The following CPT1C variants were observed in gnomAD, a reference collection of about 807,000 sequenced individuals.
CPT1C encodes carnitine palmitoyltransferase 1C.
Under a neutral mutation model 97.3 loss-of-function variants are expected in CPT1C, and 61 were observed. That is an observed-to-expected ratio of 0.63 (90% CI 0.51 to 0.78). CPT1C has a LOEUF of 0.78. Among genes scored for constraint, CPT1C ranks in the 30% least tolerant of loss-of-function variants. The pLI is 0.00. For missense variants in CPT1C, 975 were observed against 1,065.5 expected (o/e 0.92, Z 1.18); for synonymous variants, 469 against 447.2 (o/e 1.05, Z -0.61).
In CPT1C at chr19:49,713,631, T is replaced by C; in HGVS notation, c.*26T>C. 6.3e-7 allele frequency: 1 copy of C among 1,589,492 alleles called. No individual in the cohort carries two copies. The highest frequency in any genetic ancestry group is 8.6e-7 in the Non-Finnish European group (1 of 1,167,920). On this transcript the variant is annotated 3_prime_UTR_variant, in exon 20 of 20. Transcript: ENST00000598293. Reference sequence around the variant, plus strand: ...CTCCTTCCAGCAGGCAGCTGGCCTCTCCAAGGAATAAGGGTGAAATTGCCA... The same window carrying C: ...CTCCTTCCAGCAGGCAGCTGGCCTCCCCAAGGAATAAGGGTGAAATTGCCA...
intron 3 of CPT1C, among the ~76,000 whole-genome samples, chr19:49,694,985 A>G (rs1362301222): frequency 6.6e-6 from 1 of 151,650 alleles, no homozygotes; most frequent in Non-Finnish European, 1.5e-5. Context: ...CTAAACATAC[A>G]AAAAAATTAG....
At position 49,713,006 on chromosome 19, in the gene CPT1C, T is replaced by G. The variant is rs1211500150; in HGVS notation, c.2168T>G (p.Phe723Cys). Reference protein sequence around the residue: ...DDHGYGVSYIFMGDGMITFHI... With the variant: ...DDHGYGVSYICMGDGMITFHI... ...CATGGTTATGGTGTTTCTTATATCT[T>G]CATGGGGGATGGCATGATCACCTTC... The change falls in exon 19 of 20, where the codon TTC (phenylalanine) becomes TGC (cysteine). Residue 723 changes from phenylalanine to cysteine, a missense_variant. Phe to Cys is a radical substitution (Grantham distance 205). Around this residue, in one of 3 missense-constraint regions of CPT1C, gnomAD observed 344 missense variants for 395.7 expected, o/e 0.87. Transcript: ENST00000598293. 1 of 1,614,072 alleles carries G rather than the reference T, an allele frequency of 6.2e-7. No individual in the cohort carries two copies. The highest frequency in any genetic ancestry group is 1.1e-5 in the South Asian group (1 of 91,078).
At chr19:49,705,815 C>T in intron 10 of CPT1C, 94 bp from the exon 11 acceptor site, 2 of 1,178,308 alleles carry the variant, frequency 1.7e-6, no homozygotes, top group East Asian at 2.4e-5. Context: ...GTACTTTGAA[C>T]AACTGACGAC....
In CPT1C at chr19:49,695,728, C is replaced by T. The variant is rs571211595; in HGVS notation, c.142-1598C>T. Among the ~76,000 whole-genome samples the T allele has an allele frequency of 2.2e-4, 33 of 151,430 alleles. 2 individuals are homozygous for T. In the South Asian group the frequency reaches 5.6e-3, roughly 26 times the overall value. On this transcript the variant is annotated intron_variant, in intron 3 of 19. Transcript: ENST00000598293. ...GCCTCCAAGTAGCTAGGACTACAGG[C>T]GTGTGCCACCACGCCAAGCTAATTT...
chr19:49,701,593 C>G lies in CPT1C; in HGVS notation c.652C>G (p.Gln218Glu). 3 of 1,611,554 alleles carry G rather than the reference C, an allele frequency of 1.9e-6. No individual in the cohort carries two copies. The highest frequency in any genetic ancestry group is 2.5e-6 in the Non-Finnish European group (3 of 1,178,626). ...CCTGAGGCTGCAGGCGTCGCTGCTG[C>G]AGTGGTACCTGCGGCTCAAGTCCTG... ...EFLRLQASLL[Q>E]WYLRLKSWWA... Residue 218 changes from glutamine to glutamate, a missense_variant, in exon 7 of 20, where the codon CAG (glutamine) becomes GAG (glutamate). By Grantham distance (29) the Gln-to-Glu change is conservative. Around this residue, in one of 3 missense-constraint regions of CPT1C, gnomAD observed 596 missense variants for 603.1 expected, o/e 0.99. Transcript: ENST00000598293.
chr19:49,698,693 G>A (rs939801090), intron 4 of CPT1C, among the ~76,000 whole-genome samples: 9 of 151,642 alleles, frequency 5.9e-5, no homozygotes, highest in East Asian at 3.9e-4. Context: ...AGCTTTGCCC[G>A]TCTCTAGTCA....
chr19:49,707,553 C>CT lies in CPT1C; in HGVS notation c.1380dup (p.Asn461Ter), dbSNP rs1382039801. ...AAATCCTTCACCCTAATCGTCTTCT[C>CT]TAACGGGAAGCTGGGCCTCAGCGTG... On this transcript the variant is annotated frameshift_variant, in exon 13 of 20. Transcript: ENST00000598293. LOFTEE classifies it high-confidence loss of function. 1 of 1,614,016 alleles carries CT rather than the reference C, an allele frequency of 6.2e-7. No homozygotes were observed.
In CPT1C at chr19:49,713,612, C is replaced by T; in HGVS notation, c.*7C>T. On this transcript the variant is annotated 3_prime_UTR_variant, in exon 20 of 20. Coordinates refer to ENST00000598293, the MANE Select transcript of CPT1C (RefSeq NM_001199753.2). ...GACATCCACCGACTTCTGACTCCTTCCAGCAGGCAGCTGGCCTCTCCAAGG... is the reference window on the plus strand; with the variant it reads ...GACATCCACCGACTTCTGACTCCTTTCAGCAGGCAGCTGGCCTCTCCAAGG... The T allele has an allele frequency of 3.1e-6, 5 of 1,603,912 alleles. No individual in the cohort carries two copies. The South Asian group carries it at 3.4e-5, about 11-fold the overall frequency.
intron 3 of CPT1C, among the ~76,000 whole-genome samples, chr19:49,693,122 A>C (rs954061079): frequency 2.0e-5 from 3 of 152,130 alleles, no homozygotes. Context: ...TCCTGACCTC[A>C]AGTGATCTGC....
rs182415106 is a variant in CPT1C at position 49,701,261 on chromosome 19, C to T, written c.454-56C>T. The T allele has an allele frequency of 6.6e-5, 98 of 1,484,068 alleles. 1 individual carries two copies. The highest frequency in any genetic ancestry group is 6.5e-4 in the Middle Eastern group (3 of 4,594). The allele number at this position is 1,484,068 out of a possible 1,614,324, so 91.9% of individuals were successfully genotyped here. On this transcript the variant is annotated intron_variant, in intron 5 of 19. Transcript: ENST00000598293. Reference sequence around the variant, plus strand: ...TCTGTCCCACTGTCGACCCCTGCCCCGTCAACTCCCTGGCTCCGGTGAGGG... The same window carrying T: ...TCTGTCCCACTGTCGACCCCTGCCCTGTCAACTCCCTGGCTCCGGTGAGGG...
intron 5 of CPT1C, 119 bp downstream of exon 5, chr19:49,700,974 C>G: frequency 9.1e-7 from 1 of 1,097,432 alleles, no homozygotes; most frequent in South Asian, 1.4e-5. Flanking sequence ...GGGTCTCTTC[C>G]CCCTCTCTTT....
chr19:49,701,211 GTC>G lies in CPT1C; in HGVS notation c.454-102_454-101del, dbSNP rs2083030741. The G allele has an allele frequency of 6.7e-6, 6 of 889,498 alleles. No individual in the cohort carries two copies. The African/African-American group carries it at 8.4e-5, about 12-fold the overall frequency. 55.1% of individuals were successfully genotyped at this position (889,498 alleles called of 1,614,324 possible). On this transcript the variant is annotated intron_variant, in intron 5 of 19. Coordinates refer to ENST00000598293, the MANE Select transcript of CPT1C (RefSeq NM_001199753.2). ...CTCTTGGGGTCTCCGATGCTCTTAAGTCTCTGTGTCCTTCTCTTTGGGTTTCT... is the reference window on the plus strand; with the variant it reads ...CTCTTGGGGTCTCCGATGCTCTTAAGTCTGTGTCCTTCTCTTTGGGTTTCT...
Position 49,706,687 on chromosome 19 carries a change from A to G in CPT1C, c.1343+274A>G, listed in dbSNP as rs568406450. On this transcript the variant is annotated intron_variant, in intron 12 of 19. Transcript: ENST00000598293. This position sits in a 1 kb window ranked among gnomAD's most constrained non-coding sequence, Gnocchi z 4.8. ...CCAAACCCCTGAGCTGGACCCTCCG[A>G]CCCAGAGAACTCAGCATCACAGACC... Among the ~76,000 whole-genome samples, 3 of 152,028 alleles carry G rather than the reference A, an allele frequency of 2.0e-5. No homozygotes were observed. In the South Asian group the frequency reaches 6.2e-4, roughly 32 times the overall value.
At chr19:49,692,584 C>A (rs2082417735) in intron 3 of CPT1C, among the ~76,000 whole-genome samples, 191 bp downstream of exon 3, 1 of 152,200 alleles carries the variant, frequency 6.6e-6, no homozygotes, top group Admixed American at 6.5e-5. Context: ...GATCCACAGC[C>A]CCACCTGCTG....
In CPT1C at chr19:49,704,735, T is replaced by C; in HGVS notation, c.719T>C (p.Val240Ala). Residue 240 changes from valine to alanine, a missense_variant, in exon 8 of 20, where the codon GTG (valine) becomes GCG (alanine). This residue lies in a region of CPT1C where 596 missense variants were observed against 603.1 expected (regional missense o/e 0.99). Coordinates refer to ENST00000598293, the MANE Select transcript of CPT1C (RefSeq NM_001199753.2). Reference protein sequence around the residue: ...NYVSDWWEEFVYLRSRNPLMV... With the variant: ...NYVSDWWEEFAYLRSRNPLMV... ...GTCAGTGACTGGTGGGAGGAATTTG[T>C]GTACCTGCGCTCCCGAAATCCGCTG... 6.2e-7 allele frequency: 1 copy of C among 1,614,014 alleles called. No homozygotes were observed.
intron 3 of CPT1C, among the ~76,000 whole-genome samples, chr19:49,693,777 G>T (rs570634829): frequency 6.6e-6 from 1 of 152,082 alleles, no homozygotes; most frequent in South Asian, 2.1e-4. Context: ...AATAAAGACA[G>T]GTCGGGCACG....
At chr19:49,702,514 G>A (rs2083232556) in intron 7 of CPT1C, among the ~76,000 whole-genome samples, 1 of 151,920 alleles carries the variant, frequency 6.6e-6, no homozygotes, top group Non-Finnish European at 1.5e-5. Context: ...CAGCTACTCG[G>A]GAGGCTGAGG....
rs1022179134 is a variant in CPT1C, at chr19:49,699,933, G to A, written c.282-751G>A. ...AGTGCCACTGCACTCCAGCCTGGGC[G>A]ACAGAGTGAAACTCCATCTCAAAAA... On this transcript the variant is annotated intron_variant, in intron 4 of 19. Coordinates refer to ENST00000598293, the MANE Select transcript of CPT1C (RefSeq NM_001199753.2). Among the ~76,000 whole-genome samples, 3 of 146,428 alleles carry A rather than the reference G, an allele frequency of 2.0e-5. No individual in the cohort carries two copies. The South Asian group carries it at 6.3e-4, about 31-fold the overall frequency.
In CPT1C at chr19:49,711,424, A is replaced by G. The variant is rs550518488; in HGVS notation, c.1867-385A>G. 55 of 194,114 alleles carry G rather than the reference A, an allele frequency of 2.8e-4. 2 individuals carry two copies. The highest frequency in any genetic ancestry group is 2.3e-3 in the South Asian group (19 of 8,194). The allele number at this position is 194,114 out of a possible 1,614,324, so 12.0% of individuals were successfully genotyped here. A position where few individuals can be genotyped will look rare whatever the true frequency, so the allele number is the denominator to read the frequency against. On this transcript the variant is annotated intron_variant, in intron 16 of 19. Transcript: ENST00000598293. ...ACCTGGCTGGAACTCCATTTTTACAACGTAACTCTGCCCATTTAACCTCTT... is the reference window on the plus strand; with the variant it reads ...ACCTGGCTGGAACTCCATTTTTACAGCGTAACTCTGCCCATTTAACCTCTT...
Sources: gnomAD v4.1 joint callset for allele counts (sites outside exome capture counted in the v4.1 genomes callset) on GRCh38, gnomAD v4.1.1 for gene constraint, gnomAD v4.1.1 regional missense constraint, Gnocchi (gnomAD v3.1) non-coding constraint, MANE v1.5 for transcripts, NCBI Gene and HGNC (gene_info 2026-07-23, HGNC 2026-07-21) for gene names.